Variants in TEX14 observed in about 807,000 individuals in gnomAD.
TEX14 encodes the protein inactive serine/threonine-protein kinase TEX14.
In TEX14, 168 loss-of-function variants were observed where a neutral mutation model predicts 178.6. The ratio of observed to expected loss-of-function variants is 0.94; its 90% confidence interval spans 0.83 to 1.07. The LOEUF (loss-of-function observed/expected upper bound fraction) is 1.07, where lower values mean the gene tolerates loss of function less well. TEX14 is among the 50% of genes least tolerant of loss of function. TEX14 has a pLI of 0.00. For synonymous variants in TEX14, 626 were observed against 634.1 expected (o/e 0.99, Z 0.19); for missense variants, 1,730 against 1,753.6 (o/e 0.99, Z 0.24).
At chr17:58,650,523 A>C (rs1337249842) in intron 2 of TEX14, among the ~76,000 whole-genome samples, 1 of 152,156 alleles carries the variant, frequency 6.6e-6, no homozygotes, top group Admixed American at 6.6e-5. Context: ...GAAAGGTTTG[A>C]TAACTTATTT....
At chr17:58,673,185 A>G (rs1300370086) in intron 1 of TEX14, among the ~76,000 whole-genome samples, 1 of 151,582 alleles carries the variant, frequency 6.6e-6, no homozygotes, top group East Asian at 2.0e-4. Flanking sequence ...ACATATTAAA[A>G]TATTGTATTG....
chr17:58,611,739 C>A (rs2144516283), intron 9 of TEX14, among the ~76,000 whole-genome samples: 1 of 152,318 alleles, frequency 6.6e-6, no homozygotes. Context: ...AAGGACCCTG[C>A]AGAATGCAGA....
intron 2 of TEX14, among the ~76,000 whole-genome samples, chr17:58,642,132 G>T (rs1475848945): frequency 6.6e-6 from 1 of 152,164 alleles, no homozygotes; most frequent in East Asian, 1.9e-4. Flanking sequence ...TTACTTCTAG[G>T]AAAAGTTAGC....
chr17:58,599,768 AAAAG>A, intron 13 of TEX14, 102 bp from the exon 14 acceptor site: 1 of 1,005,614 alleles, frequency 9.9e-7, no homozygotes, highest in Non-Finnish European at 1.4e-6. Flanking sequence ...AAAAAAAAAA[AAAAG>A]TTTTTTATTT....
At chr17:58,602,377 C>T in intron 12 of TEX14, 23 bp downstream of exon 12, 1 of 1,587,328 alleles carries the variant, frequency 6.3e-7, no homozygotes, top group Non-Finnish European at 8.6e-7. Context: ...CAGAAATAAA[C>T]TCCCAACAAC....
chr17:58,645,116 G>C (rs1368998324), intron 2 of TEX14, among the ~76,000 whole-genome samples: 1 of 150,878 alleles, frequency 6.6e-6, no homozygotes, highest in Admixed American at 6.6e-5. Context: ...CTCCAGAGTA[G>C]CTAGGACTAC....
intron 20 of TEX14, 33 bp downstream of exon 20, chr17:58,579,632 A>T (rs1331810518): frequency 6.4e-7 from 1 of 1,565,814 alleles, no homozygotes; most frequent in Admixed American, 1.7e-5. Flanking sequence ...AAGGGAAGTG[A>T]TTCTCAAGGA....
intron 2 of TEX14, among the ~76,000 whole-genome samples, chr17:58,649,028 C>T (rs1442739305): frequency 2.0e-5 from 3 of 150,776 alleles, no homozygotes; most frequent in African/African-American, 7.3e-5. Context: ...CCGCTCGCCT[C>T]GGTCTCCCAA....
intron 1 of TEX14, among the ~76,000 whole-genome samples, chr17:58,664,505 A>G (rs1317699454): frequency 6.6e-6 from 1 of 152,212 alleles, no homozygotes; most frequent in East Asian, 1.9e-4. Context: ...ACTGACAGCC[A>G]CTTAAATGTT....
chr17:58,581,127 A>AT (rs1158543812), intron 19 of TEX14, among the ~76,000 whole-genome samples: 1 of 152,290 alleles, frequency 6.6e-6, no homozygotes, highest in East Asian at 1.9e-4. Context: ...CCCGACCAAC[A>AT]TGGTGAAACC....
At position 58,593,577 on chromosome 17, in the gene TEX14, T is replaced by C. The variant is rs746403107; in HGVS notation, c.2554A>G (p.Ser852Gly). The C allele has an allele frequency of 6.2e-7, 1 of 1,614,010 alleles. No individual in the cohort carries two copies. Among genetic ancestry groups the C allele is most frequent in the African/African-American group, 1.3e-5 (1 of 74,934 alleles). The part of the protein sequence containing the change: ...TQGAKDSLET[S>G]RIQNTSSQGR... Reference sequence around the variant, plus strand: ...CACCTACTGGTATTTTGGATCCTGCTTGTTTCCAAACTGTCCTTGGCTCCT... The same window carrying C: ...CACCTACTGGTATTTTGGATCCTGCCTGTTTCCAAACTGTCCTTGGCTCCT... Residue 852 changes from serine (S) to glycine (G), a missense_variant, in exon 15 of 32, where the codon AGC (serine) becomes GGC (glycine). By Grantham distance (56) the Ser-to-Gly change is moderately conservative. This residue lies in a region of TEX14 where 941 missense variants were observed against 1,072.4 expected (regional missense o/e 0.88). Transcript: ENST00000349033.
intron 15 of TEX14, among the ~76,000 whole-genome samples, chr17:58,592,397 C>T (rs1048941554): frequency 4.6e-5 from 7 of 151,218 alleles, no homozygotes; most frequent in South Asian, 2.1e-4. Context: ...TGCAGTGGCG[C>T]GATCTCCTCT....
intron 19 of TEX14, among the ~76,000 whole-genome samples, chr17:58,582,087 G>A (rs745621799): frequency 2.0e-5 from 3 of 152,090 alleles, no homozygotes; most frequent in Non-Finnish European, 4.4e-5. Context: ...TCCCTCACAG[G>A]CAGAGACATA....
chr17:58,665,619 C>T (rs373859565), intron 1 of TEX14, among the ~76,000 whole-genome samples: 2 of 151,610 alleles, frequency 1.3e-5, no homozygotes, highest in Non-Finnish European at 2.9e-5. Context: ...AACAAAAAAA[C>T]CCACAACTCA....
At chr17:58,608,680 T>C (rs1312792525) in intron 10 of TEX14, among the ~76,000 whole-genome samples, 1 of 152,244 alleles carries the variant, frequency 6.6e-6, no homozygotes, top group East Asian at 1.9e-4. Context: ...TAAAAATGAC[T>C]GTGGTACATT....
At chr17:58,595,319 T>C (rs933892354) in intron 14 of TEX14, among the ~76,000 whole-genome samples, 12 of 152,226 alleles carry the variant, frequency 7.9e-5, no homozygotes, top group African/African-American at 2.7e-4. Flanking sequence ...AAAATAAATA[T>C]GGTATCATTG....
Position 58,565,759 on chromosome 17 carries a change from C to G in TEX14, c.3952G>C (p.Gly1318Arg). The change falls in exon 27 of 32, where the codon GGC becomes CGC. Residue 1318 changes from glycine to arginine, a missense_variant. Coordinates refer to ENST00000349033, the MANE Select transcript of TEX14 (RefSeq NM_031272.5). ...GTAGTTCACTTACCATTTGCAGTGC[C>G]TCCTCCATCACTTGCTGTGTTCTCA... ...LHENTASDGG[G>R]TANDQRHLEE... 2 of 1,608,740 alleles carry G rather than the reference C, an allele frequency of 1.2e-6. No homozygotes were observed. The highest frequency in any genetic ancestry group is 3.4e-5 in the Admixed American group (2 of 59,552).
chr17:58,652,626 TAATAC>T (rs1219544022), intron 1 of TEX14, among the ~76,000 whole-genome samples: 1 of 152,202 alleles, frequency 6.6e-6, no homozygotes, highest in Non-Finnish European at 1.5e-5. Context: ...AAGAACAGAC[TAATAC>T]AATATTTGTC....
At chr17:58,558,602 AG>A (rs2044202966) in intron 30 of TEX14, among the ~76,000 whole-genome samples, 1 of 152,192 alleles carries the variant, frequency 6.6e-6, no homozygotes. Context: ...GAAGGAAATC[AG>A]GAAGAGGTGA....
Sources: allele counts gnomAD v4.1 joint callset (sites outside exome capture counted in the v4.1 genomes callset), GRCh38; gene constraint gnomAD v4.1.1; regional missense constraint gnomAD v4.1.1; transcripts MANE v1.5; gene names NCBI Gene and HGNC (gene_info 2026-07-23, HGNC 2026-07-21).